IPO11: variants seen among roughly 807,000 people sequenced by gnomAD.
IPO11 encodes the protein importin-11.
A neutral mutation model predicts 143.2 loss-of-function variants in IPO11; 66 were observed. That is an observed-to-expected ratio of 0.46 (90% confidence interval 0.38 to 0.57). The LOEUF is 0.57. IPO11 is among the 20% of genes least tolerant of loss of function. The pLI is 0.00. For missense variants in IPO11, 1,026 were observed against 1,141.0 expected (o/e 0.90, Z 1.45); for synonymous variants, 385 against 377.8 (o/e 1.02, Z -0.22).
chr5:62,557,477 CTGGCA>C (rs2112359772), intron 26 of IPO11, among the ~76,000 whole-genome samples: 1 of 152,328 alleles, frequency 6.6e-6, no homozygotes, highest in East Asian at 1.9e-4. Context: ...GCCACCATGC[CTGGCA>C]TGAGCTCTTT....
chr5:62,481,563 C>T (rs1463057132), intron 9 of IPO11, among the ~76,000 whole-genome samples: 5 of 152,078 alleles, frequency 3.3e-5, no homozygotes, highest in African/African-American at 1.2e-4. Context: ...GGATTACGTT[C>T]ATTGATTTGC....
chr5:62,526,342 T>C (rs1272602151), intron 21 of IPO11, 85 bp downstream of exon 21: 1 of 909,542 alleles, frequency 1.1e-6, no homozygotes, highest in Non-Finnish European at 1.7e-6. Flanking sequence ...GGTCATGTAA[T>C]AGGGCTTTAA....
intron 5 of IPO11, among the ~76,000 whole-genome samples, chr5:62,463,857 T>C (rs1259147625): frequency 6.6e-6 from 1 of 151,592 alleles, no homozygotes; most frequent in Non-Finnish European, 1.5e-5. Flanking sequence ...AGAGTCTCGC[T>C]CTGTTACGCA....
At chr5:62,506,735 C>A (rs918052927) in intron 19 of IPO11, among the ~76,000 whole-genome samples, 14 of 152,084 alleles carry the variant, frequency 9.2e-5, no homozygotes, top group Non-Finnish European at 1.5e-4. Flanking sequence ...GCAGTCTGGT[C>A]TGCATTATAT....
At chr5:62,519,811 C>T (rs962521677) in intron 20 of IPO11, among the ~76,000 whole-genome samples, 6 of 152,182 alleles carry the variant, frequency 3.9e-5, no homozygotes, top group African/African-American at 1.2e-4. Flanking sequence ...ATAAATTCTT[C>T]GCTGGAGGCT....
In IPO11 at chr5:62,606,703, G is replaced by C. The variant is rs558681812; in HGVS notation, c.2763+4855G>C. Among the ~76,000 whole-genome samples the C allele has an allele frequency of 8.1e-4, 124 of 152,238 alleles. 1 individual carries two copies. The highest frequency in any genetic ancestry group is 6.8e-3 in the Middle Eastern group (2 of 294). ...TACAAAAAAATTAGCCGGGCGTGGT[G>C]GCATGCGCCTGTAGTCCCATCTGCT... On this transcript the variant is annotated intron_variant, in intron 29 of 29. Transcript: ENST00000325324.
chr5:62,493,431 G>A (rs1003685806), intron 15 of IPO11, among the ~76,000 whole-genome samples: 3 of 152,050 alleles, frequency 2.0e-5, no homozygotes, highest in African/African-American at 7.2e-5. Context: ...CTACATTGCG[G>A]TTCTTTAAGA....
At chr5:62,494,206 T>C in intron 16 of IPO11, 82 bp downstream of exon 16, 1 of 1,284,842 alleles carries the variant, frequency 7.8e-7, no homozygotes, top group Non-Finnish European at 1.1e-6. Flanking sequence ...AGTTTATGTC[T>C]TTTCTTTATG....
intron 24 of IPO11, among the ~76,000 whole-genome samples, chr5:62,547,916 A>G (rs1278938853): frequency 2.6e-5 from 4 of 152,096 alleles, no homozygotes. Flanking sequence ...TTAAAGAAAA[A>G]AACTGTAGAC....
At chr5:62,624,028 CGTTTTTTTTGTTTT>C (rs1347883748) in intron 29 of IPO11, among the ~76,000 whole-genome samples, 3 of 150,524 alleles carry the variant, frequency 2.0e-5, no homozygotes, top group Admixed American at 2.0e-4. Context: ...CTCCCCCCAC[CGTTTTTTTTGTTTT>C]GTTTTTTTTG....
Position 62,603,615 on chromosome 5 carries a change from C to T in IPO11, c.2763+1767C>T, listed in dbSNP as rs146757745. Among the ~76,000 whole-genome samples the T allele has an allele frequency of 3.2e-3, 483 of 152,294 alleles. 3 individuals carry two copies. Among genetic ancestry groups the T allele is most frequent in the South Asian group, 8.5e-3 (41 of 4,822 alleles). On this transcript the variant is annotated intron_variant, in intron 29 of 29. Coordinates refer to ENST00000325324, the MANE Select transcript of IPO11 (RefSeq NM_016338.5). ...GGGTGCACTTGCACACACTTACACT[C>T]AGATGGGAACAATTTAAACACGCCA...
chr5:62,512,842 C>G (rs1209678626), intron 19 of IPO11, among the ~76,000 whole-genome samples: 2 of 146,516 alleles, frequency 1.4e-5, no homozygotes, highest in African/African-American at 5.0e-5. Context: ...TTGCACCGCC[C>G]TTAATCCATT....
chr5:62,553,745 T>C (rs529831226), intron 26 of IPO11, among the ~76,000 whole-genome samples: 2 of 152,094 alleles, frequency 1.3e-5, no homozygotes, highest in South Asian at 4.2e-4. Flanking sequence ...TGACTAGTGA[T>C]GTTGACCTTT....
At chr5:62,511,395 G>A (rs1445186159) in intron 19 of IPO11, among the ~76,000 whole-genome samples, 1 of 152,098 alleles carries the variant, frequency 6.6e-6, no homozygotes, top group African/African-American at 2.4e-5. Context: ...AGAACACTTA[G>A]CAATATTGAG....
chr5:62,596,014 T>G (rs768147396), intron 28 of IPO11, among the ~76,000 whole-genome samples: 2 of 151,412 alleles, frequency 1.3e-5, no homozygotes, highest in Non-Finnish European at 2.9e-5. Flanking sequence ...ATCCTAGCAC[T>G]TTAGGAGGCC....
At chr5:62,421,275 T>C (rs2112096807) in intron 1 of IPO11, among the ~76,000 whole-genome samples, 1 of 152,378 alleles carries the variant, frequency 6.6e-6, no homozygotes, top group East Asian at 1.9e-4. Flanking sequence ...GTTTTAGTTA[T>C]GTATTAATAA....
chr5:62,577,855 A>G (rs1744377242), intron 27 of IPO11, among the ~76,000 whole-genome samples: 1 of 152,242 alleles, frequency 6.6e-6, no homozygotes, highest in Admixed American at 6.5e-5. Context: ...ATACAATTAT[A>G]TAACTTGATA....
chr5:62,551,095 T>A, intron 25 of IPO11, 128 bp from the exon 26 acceptor site: 1 of 509,994 alleles, frequency 2.0e-6, no homozygotes, highest in South Asian at 3.2e-5. Context: ...GTATTGATAG[T>A]TCATTCTAAA....
At chr5:62,570,155 CCTTTCATCTGTAT>C (rs1241965469) in intron 27 of IPO11, among the ~76,000 whole-genome samples, 3 of 152,112 alleles carry the variant, frequency 2.0e-5, no homozygotes, top group Non-Finnish European at 2.9e-5. Context: ...GATGCTCACT[CCTTTCATCTGTAT>C]ACAAAGCAAT....
Sources: gnomAD v4.1 joint callset for allele counts (sites outside exome capture counted in the v4.1 genomes callset) on GRCh38, gnomAD v4.1.1 for gene constraint, MANE v1.5 for transcripts, NCBI Gene and HGNC (gene_info 2026-07-23, HGNC 2026-07-21) for gene names.